The following MYO5C variants were observed in gnomAD, a reference collection of about 807,000 sequenced individuals.
The protein encoded by MYO5C is myosin VC, also known as unconventional myosin-Vc.
Under a neutral mutation model 235.7 loss-of-function variants are expected in MYO5C, and 194 were observed. That is an observed-to-expected ratio of 0.82 (90% CI 0.73 to 0.93). MYO5C has a LOEUF of 0.93. Among genes scored for constraint, MYO5C ranks in the 40% least tolerant of loss-of-function variants. The pLI, the probability that MYO5C is intolerant of heterozygous loss-of-function variation, is 0.00. For missense variants in MYO5C, 2,038 were observed against 2,127.2 expected (o/e 0.96, Z 0.82); for synonymous variants, 707 against 754.8 (o/e 0.94, Z 1.04).
intron 20 of MYO5C, among the ~76,000 whole-genome samples, chr15:52,240,847 T>C (rs1476377617): frequency 1.3e-5 from 2 of 152,250 alleles, no homozygotes; most frequent in African/African-American, 4.8e-5. Context: ...TGGACAACTT[T>C]ACTTTTTCAT....
At chr15:52,288,264 C>T (rs2037318375) in intron 1 of MYO5C, among the ~76,000 whole-genome samples, 2 of 152,210 alleles carry the variant, frequency 1.3e-5, no homozygotes, top group African/African-American at 4.8e-5. Context: ...ATTAGTTAAG[C>T]GAATCTGGCC....
At chr15:52,196,532 G>T in intron 38 of MYO5C, 49 bp from the exon 39 acceptor site, 1 of 1,566,868 alleles carries the variant, frequency 6.4e-7, no homozygotes, top group Non-Finnish European at 8.7e-7. Context: ...AAGGGTGCCA[G>T]ATACTCCTGT....
At chr15:52,199,555 C>G (rs2035136674) in intron 38 of MYO5C, among the ~76,000 whole-genome samples, 1 of 133,732 alleles carries the variant, frequency 7.5e-6, no homozygotes, top group South Asian at 2.5e-4. Flanking sequence ...CCTCTACTCG[C>G]CACAGGTTGA....
At chr15:52,196,933 T>C (rs912548818) in intron 38 of MYO5C, among the ~76,000 whole-genome samples, 1 of 152,220 alleles carries the variant, frequency 6.6e-6, no homozygotes, top group African/African-American at 2.4e-5. Flanking sequence ...GTTTATGAGT[T>C]AAGAGGCATG....
chr15:52,253,103 G>A (rs931003624), intron 12 of MYO5C, among the ~76,000 whole-genome samples: 4 of 152,172 alleles, frequency 2.6e-5, no homozygotes, highest in African/African-American at 9.7e-5. Context: ...AAGAGGTGGT[G>A]CAGCTCCCCA....
At chr15:52,244,883 A>T (rs1407314588) in intron 18 of MYO5C, among the ~76,000 whole-genome samples, 2 of 152,202 alleles carry the variant, frequency 1.3e-5, no homozygotes. Flanking sequence ...ATTGGAGTAG[A>T]AGAAACTGGG....
At chr15:52,236,095 G>A (rs886195000) in intron 22 of MYO5C, among the ~76,000 whole-genome samples, 1 of 152,200 alleles carries the variant, frequency 6.6e-6, no homozygotes, top group African/African-American at 2.4e-5. Flanking sequence ...TTTATATGTC[G>A]AATATGCTAT....
chr15:52,231,082 C>T (rs1438136238), intron 24 of MYO5C, among the ~76,000 whole-genome samples: 1 of 152,188 alleles, frequency 6.6e-6, no homozygotes, highest in Non-Finnish European at 1.5e-5. Context: ...CCCACCTTGG[C>T]CTCCCAAAGT....
Position 52,244,424 on chromosome 15 carries a change from T to C in MYO5C, c.2322A>G (p.Lys774=), listed in dbSNP as rs1489549530. 1 of 1,614,132 alleles carries C rather than the reference T, an allele frequency of 6.2e-7. No homozygotes were observed. Among genetic ancestry groups the C allele is most frequent in the Non-Finnish European group, 8.5e-7 (1 of 1,180,024 alleles). Residue 774 remains lysine, a synonymous_variant, in exon 19 of 41, where the codon AAA becomes AAG. Coordinates refer to ENST00000261839, the MANE Select transcript of MYO5C (RefSeq NM_018728.4). ...QKHMRGWLQR[K]KFLRERRAAL... Reference sequence around the variant, plus strand: ...CGGCTCGTCTCTCTCGGAGGAATTTTTTCCTCTGGAGCCAGCCACGCATGT... The same window carrying C: ...CGGCTCGTCTCTCTCGGAGGAATTTCTTCCTCTGGAGCCAGCCACGCATGT...
In MYO5C at chr15:52,236,086, T is replaced by C. The variant is rs141264775; in HGVS notation, c.2869-323A>G. Reference sequence around the variant, plus strand: ...CGAGCTTCTCAATAGCCAGGGGACTTTATATGTCGAATATGCTATGATTAC... The same window carrying C: ...CGAGCTTCTCAATAGCCAGGGGACTCTATATGTCGAATATGCTATGATTAC... On this transcript the variant is annotated intron_variant, in intron 22 of 40. Coordinates refer to ENST00000261839, the MANE Select transcript of MYO5C (RefSeq NM_018728.4). 1.2e-3 allele frequency among the ~76,000 whole-genome samples: 185 copies of C among 152,358 alleles called. 1 individual carries two copies. The highest frequency in any genetic ancestry group is 4.2e-3 in the African/African-American group (175 of 41,576).
intron 32 of MYO5C, among the ~76,000 whole-genome samples, chr15:52,217,914 C>T (rs1052475513): frequency 2.0e-5 from 3 of 152,174 alleles, no homozygotes; most frequent in Non-Finnish European, 4.4e-5. Context: ...GGAAAGTGGC[C>T]TGTCACTTCA....
At chr15:52,212,106 T>C (rs2046156867) in intron 34 of MYO5C, among the ~76,000 whole-genome samples, 3 of 152,228 alleles carry the variant, frequency 2.0e-5, no homozygotes, top group Admixed American at 1.3e-4. Flanking sequence ...GGACTTTCTC[T>C]TTCTTAAAAG....
chr15:52,221,885 T>C (rs1047452837), intron 29 of MYO5C, among the ~76,000 whole-genome samples: 2 of 152,210 alleles, frequency 1.3e-5, no homozygotes, highest in African/African-American at 4.8e-5. Flanking sequence ...TGATTTACGA[T>C]GGCTCAACTT....
intron 19 of MYO5C, among the ~76,000 whole-genome samples, chr15:52,243,923 C>G (rs1299600476): frequency 6.6e-6 from 1 of 152,222 alleles, no homozygotes; most frequent in Non-Finnish European, 1.5e-5. Context: ...CTTGCAGGGA[C>G]CCCCTCTGCC....
chr15:52,220,475 C>G (rs1248326983), intron 30 of MYO5C, among the ~76,000 whole-genome samples: 1 of 152,112 alleles, frequency 6.6e-6, no homozygotes, highest in Non-Finnish European at 1.5e-5. Context: ...ACTTCAGTCT[C>G]CCACATAGCT....
chr15:52,285,480 T>C (rs990137723), intron 1 of MYO5C, among the ~76,000 whole-genome samples: 3 of 148,698 alleles, frequency 2.0e-5, no homozygotes, highest in Non-Finnish European at 4.5e-5. Context: ...CTCTCCCTCC[T>C]CTCCCTCCTC....
intron 38 of MYO5C, 68 bp downstream of exon 38, chr15:52,204,797 G>A (rs2035265443): frequency 1.9e-5 from 30 of 1,550,248 alleles, no homozygotes; most frequent in Non-Finnish European, 2.5e-5. Flanking sequence ...CAGGCGCGTG[G>A]GGCCTCGGAC....
chr15:52,196,523 A>C, intron 38 of MYO5C, 40 bp from the exon 39 acceptor site: 6 of 1,586,484 alleles, frequency 3.8e-6, no homozygotes, highest in Non-Finnish European at 4.3e-6. Context: ...ACTTTAGGGA[A>C]GGGTGCCAGA....
chr15:52,203,634 C>T (rs2035236752), intron 38 of MYO5C, among the ~76,000 whole-genome samples: 1 of 152,230 alleles, frequency 6.6e-6, no homozygotes, highest in African/African-American at 2.4e-5. Context: ...GCATGAGCCA[C>T]CCCGCCCGGC....
Sources: gnomAD v4.1 joint callset for allele counts (sites outside exome capture counted in the v4.1 genomes callset) on GRCh38, gnomAD v4.1.1 for gene constraint, MANE v1.5 for transcripts, NCBI Gene and HGNC (gene_info 2026-07-23, HGNC 2026-07-21) for gene names.